Variants in CSRNP3 observed in about 807,000 individuals in gnomAD.
CSRNP3 encodes the protein cysteine/serine-rich nuclear protein 3.
CSRNP3 carries 12 observed loss-of-function variants against 48.0 expected under a neutral mutation model. The observed-to-expected ratio is 0.25, with a 90% CI of 0.16 to 0.41. The LOEUF is 0.41. Among genes scored for constraint, CSRNP3 ranks in the 10% least tolerant of loss-of-function variants. The pLI, the probability that CSRNP3 is intolerant of heterozygous loss-of-function variation, is 1.00. For synonymous variants in CSRNP3, 263 were observed against 269.7 expected (o/e 0.98, Z 0.24); for missense variants, 580 against 724.4 (o/e 0.80, Z 2.29).
chr2:165,607,826 G>A (rs1039378021), intron 4 of CSRNP3, among the ~76,000 whole-genome samples: 1 of 151,956 alleles, frequency 6.6e-6, no homozygotes, highest in African/African-American at 2.4e-5. Context: ...TCTCACTCTA[G>A]GTTTAGTTCT....
chr2:165,532,061 C>T (rs1255261706), intron 3 of CSRNP3, among the ~76,000 whole-genome samples: 1 of 151,932 alleles, frequency 6.6e-6, no homozygotes, highest in Non-Finnish European at 1.5e-5. Context: ...ATTGAGGCAA[C>T]AATCAATAGC....
chr2:165,548,696 G>C (rs1685061436), intron 3 of CSRNP3, among the ~76,000 whole-genome samples: 1 of 151,856 alleles, frequency 6.6e-6, no homozygotes, highest in Admixed American at 6.6e-5. Context: ...AAAATCAAAA[G>C]AAACATAACC....
chr2:165,657,080 T>C (rs1320054133), intron 4 of CSRNP3, among the ~76,000 whole-genome samples: 1 of 152,226 alleles, frequency 6.6e-6, no homozygotes, highest in African/African-American at 2.4e-5. Context: ...AATCTCACAC[T>C]GTCCCATTCC....
intron 3 of CSRNP3, among the ~76,000 whole-genome samples, chr2:165,532,262 G>T (rs372679298): frequency 6.6e-6 from 1 of 151,774 alleles, no homozygotes; most frequent in Non-Finnish European, 1.5e-5. Flanking sequence ...ACCAAAAAAG[G>T]GAATTTTAGA....
Position 165,587,968 on chromosome 2 carries a change from T to C in CSRNP3, c.-23-7075T>C, listed in dbSNP as rs567499975. On this transcript the variant is annotated intron_variant, in intron 3 of 6. Coordinates refer to ENST00000651982, the MANE Select transcript of CSRNP3 (RefSeq NM_001172173.2). ...TATTAATTCACTGAACAAATATGTA[T>C]TGAGGCACCTATTATATACAAGGCA... is the stretch of plus-strand genomic sequence containing the variant. Among the ~76,000 whole-genome samples the C allele has an allele frequency of 8.8e-4, 134 of 152,290 alleles. 2 individuals carry two copies. The highest frequency in any genetic ancestry group is 3.2e-4 in the Non-Finnish European group (22 of 68,028).
intron 4 of CSRNP3, among the ~76,000 whole-genome samples, chr2:165,611,035 A>T (rs1217060160): frequency 2.6e-5 from 4 of 152,194 alleles, no homozygotes; most frequent in African/African-American, 9.6e-5. Context: ...GTATTTCTGG[A>T]AATTTTTCTG....
intron 3 of CSRNP3, among the ~76,000 whole-genome samples, chr2:165,580,689 TATC>T (rs1386512856): frequency 6.6e-6 from 1 of 152,214 alleles, no homozygotes; most frequent in Non-Finnish European, 1.5e-5. Context: ...AGGAAAAGGA[TATC>T]ATTATCTTAA....
intron 5 of CSRNP3, among the ~76,000 whole-genome samples, chr2:165,659,626 C>T (rs1271848622): frequency 2.0e-5 from 3 of 152,122 alleles, no homozygotes; most frequent in Non-Finnish European, 4.4e-5. Context: ...CATCTTTTGT[C>T]AACTAAAGAC....
chr2:165,678,523 T>A (rs1687467048), intron 6 of CSRNP3, among the ~76,000 whole-genome samples, 178 bp from the exon 7 acceptor site: 1 of 152,230 alleles, frequency 6.6e-6, no homozygotes, highest in African/African-American at 2.4e-5. Flanking sequence ...TTAACTCTTA[T>A]GTTTTAAGCC....
chr2:165,669,103 C>A lies in CSRNP3; in HGVS notation c.409-7209C>A, dbSNP rs1447712264. On this transcript the variant is annotated intron_variant, in intron 5 of 6. Transcript: ENST00000651982. ...TTACTATATGGCAGCTTAGGTCATT[C>A]TCAACATCATCATCCTTATTATAAT... Among the ~76,000 whole-genome samples, 5 of 152,264 alleles carry A rather than the reference C, an allele frequency of 3.3e-5. No homozygotes were observed. The East Asian group carries it at 9.7e-4, about 29-fold the overall frequency.
chr2:165,549,284 C>T (rs1389552001), intron 3 of CSRNP3, among the ~76,000 whole-genome samples: 22 of 152,036 alleles, frequency 1.4e-4, no homozygotes, highest in Non-Finnish European at 1.5e-5. Context: ...GTCATGTTTT[C>T]TAGTATGAAA....
intron 4 of CSRNP3, among the ~76,000 whole-genome samples, chr2:165,635,055 C>G (rs900439646): frequency 2.6e-5 from 4 of 152,168 alleles, no homozygotes; most frequent in Non-Finnish European, 4.4e-5. Context: ...CAGCCTGGAG[C>G]TCCGGGCTTG....
chr2:165,561,760 T>A, intron 3 of CSRNP3, among the ~76,000 whole-genome samples: 1 of 152,136 alleles, frequency 6.6e-6, no homozygotes, highest in East Asian at 1.9e-4. Context: ...TAGACAGTTG[T>A]GATAGGCAAA....
At chr2:165,592,109 C>T (rs1685727366) in intron 3 of CSRNP3, among the ~76,000 whole-genome samples, 1 of 152,256 alleles carries the variant, frequency 6.6e-6, no homozygotes, top group African/African-American at 2.4e-5. Context: ...GAGACCACCT[C>T]TTGCATCAGC....
At chr2:165,504,081 AATTT>A (rs1684393469) in intron 2 of CSRNP3, among the ~76,000 whole-genome samples, 1 of 151,986 alleles carries the variant, frequency 6.6e-6, no homozygotes, top group Non-Finnish European at 1.5e-5. Flanking sequence ...ATTGTAAATT[AATTT>A]ATTTAATTTC....
At chr2:165,515,444 G>A (rs1684565870) in intron 2 of CSRNP3, among the ~76,000 whole-genome samples, 1 of 150,730 alleles carries the variant, frequency 6.6e-6, no homozygotes, top group East Asian at 1.9e-4. Context: ...TTATTTATTT[G>A]GCTGTCAAAT....
intron 2 of CSRNP3, among the ~76,000 whole-genome samples, chr2:165,499,978 A>G (rs1057456119): frequency 6.6e-6 from 1 of 151,426 alleles, no homozygotes; most frequent in Non-Finnish European, 1.5e-5. Flanking sequence ...AACTTGATTT[A>G]TATAGTGAAC....
intron 4 of CSRNP3, among the ~76,000 whole-genome samples, chr2:165,617,083 A>C (rs1686258099): frequency 6.6e-6 from 1 of 151,854 alleles, no homozygotes; most frequent in Non-Finnish European, 1.5e-5. Flanking sequence ...TTTATTGTCT[A>C]TCCGTATTCT....
intron 4 of CSRNP3, among the ~76,000 whole-genome samples, chr2:165,604,137 T>C (rs1685970619): frequency 2.0e-5 from 3 of 152,222 alleles, no homozygotes; most frequent in Admixed American, 1.3e-4. Flanking sequence ...GGTGGAAATA[T>C]AAAAGTAAAC....
Sources: allele counts gnomAD v4.1 joint callset (sites outside exome capture counted in the v4.1 genomes callset), GRCh38; gene constraint gnomAD v4.1.1; transcripts MANE v1.5; gene names NCBI Gene and HGNC (gene_info 2026-07-23, HGNC 2026-07-21).